Variants in DSCAML1 observed in about 807,000 individuals in gnomAD.
The protein encoded by DSCAML1 is DS cell adhesion molecule like 1, also known as cell adhesion molecule DSCAML1.
DSCAML1 carries 38 observed loss-of-function variants against 200.5 expected under a neutral mutation model. The observed-to-expected ratio is 0.19, with a 90% confidence interval of 0.15 to 0.25. The LOEUF is 0.25. Ranked by LOEUF, DSCAML1 falls within the 10% of genes least tolerant of loss-of-function variation. The pLI, the probability that DSCAML1 is intolerant of heterozygous loss-of-function variation, is 1.00. For missense variants in DSCAML1, 2,223 were observed against 2,858.8 expected, an observed-to-expected ratio of 0.78 and a Z score of 5.07; for synonymous variants, 1,215 against 1,165.0, an observed-to-expected ratio of 1.04 and a Z score of -0.87.
chr11:117,428,430 C>A lies in DSCAML1; in HGVS notation c.6060G>T (p.Met2020Ile). 3 of 1,548,796 alleles carry A rather than the reference C, an allele frequency of 1.9e-6. No individual in the cohort carries two copies. The highest frequency in any genetic ancestry group is 2.6e-6 in the Non-Finnish European group (3 of 1,150,920). Residue 2020 changes from methionine (M) to isoleucine (I), a missense_variant, in exon 33 of 33, where the codon ATG (methionine) becomes ATT (isoleucine). Around this residue, in one of 7 missense-constraint regions of DSCAML1, gnomAD observed 280 missense variants for 213.4 expected, o/e 1.31. Coordinates refer to ENST00000651296, the MANE Select transcript of DSCAML1 (RefSeq NM_020693.4). ...CGAGAAGCGAGTCCCTGGAGCCCCC[C>A]ATTTTGGTGTGTGGGCCCCCGGCTC... ...PPRAGGPHTK[M>I]GGSRDSLLEM...
chr11:117,578,593 C>G (rs2050991260), intron 3 of DSCAML1, among the ~76,000 whole-genome samples: 1 of 152,090 alleles, frequency 6.6e-6, no homozygotes, highest in African/African-American at 2.4e-5. Context: ...TAGCCTGAGT[C>G]CAGGAGTTCA....
chr11:117,656,967 GAAATAA>G (rs1339614033), intron 3 of DSCAML1, among the ~76,000 whole-genome samples: 2 of 152,198 alleles, frequency 1.3e-5, no homozygotes, highest in African/African-American at 4.8e-5. Flanking sequence ...TGCTCTAAGA[GAAATAA>G]AAATAAGGAG....
At chr11:117,529,127 G>A (rs1208343622) in intron 4 of DSCAML1, among the ~76,000 whole-genome samples, 1 of 152,114 alleles carries the variant, frequency 6.6e-6, no homozygotes, top group Admixed American at 6.6e-5. Flanking sequence ...CTGGAGTGCA[G>A]TGGCATGATC....
chr11:117,484,896 TG>T, intron 11 of DSCAML1, among the ~76,000 whole-genome samples: 1 of 62,004 alleles, frequency 1.6e-5, no homozygotes, highest in South Asian at 4.3e-4. Flanking sequence ...AGTGTGTGTG[TG>T]TGTGTGTGTG....
At chr11:117,588,318 C>T (rs999206961) in intron 3 of DSCAML1, among the ~76,000 whole-genome samples, 10 of 152,160 alleles carry the variant, frequency 6.6e-5, no homozygotes, top group Non-Finnish European at 1.3e-4. Flanking sequence ...CCTGGCCTTT[C>T]GCTCTGGGAC....
intron 22 of DSCAML1, 77 bp from the exon 23 acceptor site, chr11:117,439,506 CAA>C: frequency 6.5e-7 from 1 of 1,538,352 alleles, no homozygotes; most frequent in Non-Finnish European, 8.8e-7. Flanking sequence ...CGGTGTGTGA[CAA>C]AGAGAGCTGG....
At chr11:117,524,460 C>T (rs902625606) in intron 5 of DSCAML1, among the ~76,000 whole-genome samples, 11 of 152,222 alleles carry the variant, frequency 7.2e-5, no homozygotes, top group African/African-American at 2.7e-4. Context: ...TCATGGCGAG[C>T]ACATCACCAT....
chr11:117,637,344 A>ATT (rs36023662), intron 3 of DSCAML1, among the ~76,000 whole-genome samples: 48 of 139,056 alleles, frequency 3.5e-4, no homozygotes, highest in East Asian at 2.9e-3. Flanking sequence ...GTGCTCAATA[A>ATT]TTTTTTTTTT....
intron 4 of DSCAML1, 81 bp from the exon 5 acceptor site, chr11:117,525,164 A>C (rs1414154440): frequency 7.6e-6 from 11 of 1,439,800 alleles, no homozygotes; most frequent in African/African-American, 1.4e-5. Flanking sequence ...GCAAGCACCC[A>C]GACAGGAGCC....
intron 11 of DSCAML1, among the ~76,000 whole-genome samples, chr11:117,496,223 G>A (rs1313842403): frequency 4.6e-5 from 7 of 152,158 alleles, no homozygotes; most frequent in Admixed American, 2.6e-4. Context: ...GCTTCCTAAC[G>A]AGTCTGTATG....
chr11:117,596,233 C>G (rs1246568984), intron 3 of DSCAML1, among the ~76,000 whole-genome samples: 1 of 152,110 alleles, frequency 6.6e-6, no homozygotes, highest in South Asian at 2.1e-4. Context: ...CATAAAAGAT[C>G]GCAAGGCACT....
In DSCAML1 at chr11:117,480,542, G is replaced by T; in HGVS notation, c.2686C>A (p.Arg896=). 6.3e-7 allele frequency: 1 copy of T among 1,577,874 alleles called. No homozygotes were observed. The part of the protein sequence containing the change: ...EPPDPPELEI[R]EVKARSMNLR... Reference sequence around the variant, plus strand: ...TTCATGCTCCGGGCCTTCACCTCCCGGATCTCCAGCTCTGGGGGGTCGGGG... The same window carrying T: ...TTCATGCTCCGGGCCTTCACCTCCCTGATCTCCAGCTCTGGGGGGTCGGGG... The change falls in exon 14 of 33, where the codon CGG becomes AGG. Residue 896 remains arginine, a synonymous_variant. Transcript: ENST00000651296. The surrounding 1 kb of genome is among the most constrained non-coding windows in gnomAD (Gnocchi z 4.1).
chr11:117,595,071 C>A (rs2051336490), intron 3 of DSCAML1, among the ~76,000 whole-genome samples: 2 of 151,900 alleles, frequency 1.3e-5, no homozygotes, highest in Admixed American at 6.6e-5. Context: ...CACACACACA[C>A]ACACACACAC....
intron 8 of DSCAML1, among the ~76,000 whole-genome samples, chr11:117,506,468 G>A (rs1592676904): frequency 1.3e-5 from 2 of 151,030 alleles, no homozygotes; most frequent in Admixed American, 1.3e-4. Context: ...TGCTCCTCAA[G>A]TCCAAGTGTC....
chr11:117,573,670 C>T (rs1046656668), intron 3 of DSCAML1, among the ~76,000 whole-genome samples: 4 of 152,242 alleles, frequency 2.6e-5, no homozygotes, highest in East Asian at 3.8e-4. Context: ...CAGTGCCATG[C>T]AGCAAAGCAA....
At chr11:117,448,197 G>A (rs1199417940) in intron 20 of DSCAML1, among the ~76,000 whole-genome samples, 3 of 152,124 alleles carry the variant, frequency 2.0e-5, no homozygotes, top group East Asian at 1.9e-4. Flanking sequence ...CGTGGCTCCC[G>A]GACACCAACC....
intron 3 of DSCAML1, among the ~76,000 whole-genome samples, chr11:117,549,077 T>C (rs1471770896): frequency 6.6e-6 from 1 of 152,196 alleles, no homozygotes; most frequent in African/African-American, 2.4e-5. Context: ...CCAAGGGCAC[T>C]GGGTGGCAGT....
intron 3 of DSCAML1, among the ~76,000 whole-genome samples, chr11:117,696,849 A>G (rs540448707): frequency 6.6e-6 from 1 of 152,324 alleles, no homozygotes; most frequent in Non-Finnish European, 1.5e-5. Flanking sequence ...ATCCCTGCCC[A>G]ACACCTTGGA....
At chr11:117,662,995 G>T (rs1049682970) in intron 3 of DSCAML1, among the ~76,000 whole-genome samples, 5 of 151,312 alleles carry the variant, frequency 3.3e-5, no homozygotes, top group Non-Finnish European at 7.4e-5. Flanking sequence ...CCCTACCGGA[G>T]TTGTCATTGC....
Sources: allele counts gnomAD v4.1 joint callset (sites outside exome capture counted in the v4.1 genomes callset), GRCh38; gene constraint gnomAD v4.1.1; regional missense constraint gnomAD v4.1.1; non-coding constraint Gnocchi (gnomAD v3.1); transcripts MANE v1.5; gene names NCBI Gene and HGNC (gene_info 2026-07-23, HGNC 2026-07-21).